Variants in NKAIN2 observed in about 807,000 individuals in gnomAD.
The protein encoded by NKAIN2 is sodium/potassium transporting ATPase interacting 2, also known as sodium/potassium-transporting ATPase subunit beta-1-interacting protein 2.
Under a neutral mutation model 32.6 loss-of-function variants are expected in NKAIN2, and 14 were observed. The ratio of observed to expected loss-of-function variants is 0.43; its 90% confidence interval spans 0.28 to 0.67. The LOEUF is 0.67. Among genes scored for constraint, NKAIN2 ranks in the 30% least tolerant of loss-of-function variants. The pLI is 0.17. For synonymous variants in NKAIN2, 80 were observed against 87.2 expected, an observed-to-expected ratio of 0.92 and a Z score of 0.46; for missense variants, 198 against 258.3, an observed-to-expected ratio of 0.77 and a Z score of 1.60.
intron 4 of NKAIN2, among the ~76,000 whole-genome samples, chr6:124,708,238 A>T (rs1175608917): frequency 1.3e-5 from 2 of 148,382 alleles, no homozygotes; most frequent in East Asian, 3.9e-4. Context: ...TGTTTTGGTT[A>T]CTGTAGCCTT....
At chr6:124,347,707 T>C (rs1798502167) in intron 2 of NKAIN2, among the ~76,000 whole-genome samples, 1 of 152,226 alleles carries the variant, frequency 6.6e-6, no homozygotes, top group Admixed American at 6.5e-5. Context: ...AGCACTTCTC[T>C]GTATTGGTTA....
In NKAIN2 at chr6:124,295,319, T is replaced by C. The variant is rs1796002006; in HGVS notation, c.192+12177T>C. On this transcript the variant is annotated intron_variant, in intron 2 of 6. Coordinates refer to ENST00000368417, the MANE Select transcript of NKAIN2 (RefSeq NM_001040214.3). Reference sequence around the variant, plus strand: ...TGTTCTTTTCTTCTTCTTACTATTATCATTCTATTTTTCTTCTTTTAATGC... The same window carrying C: ...TGTTCTTTTCTTCTTCTTACTATTACCATTCTATTTTTCTTCTTTTAATGC... 1.3e-5 allele frequency among the ~76,000 whole-genome samples: 2 copies of C among 152,148 alleles called. 1 individual carries two copies. The highest frequency in any genetic ancestry group is 4.1e-4 in the South Asian group (2 of 4,834).
intron 2 of NKAIN2, among the ~76,000 whole-genome samples, chr6:124,316,767 C>T (rs2115014020): frequency 6.6e-6 from 1 of 152,204 alleles, no homozygotes; most frequent in African/African-American, 2.4e-5. Flanking sequence ...TAAGGTGACT[C>T]ATTCTACTCA....
intron 1 of NKAIN2, among the ~76,000 whole-genome samples, chr6:124,006,291 C>T (rs1780071482): frequency 6.6e-6 from 1 of 152,118 alleles, no homozygotes. Context: ...GGTGAGCAAA[C>T]TGAGATTGAG....
rs73569259 is a variant in NKAIN2 at position 124,566,399 on chromosome 6, C to T, written c.274-91787C>T. ...TGTGAGTAGAGGTGATGTCTTATTC[C>T]ACTTCACATTCAACGGTGAGTGGCA... On this transcript the variant is annotated intron_variant, in intron 3 of 6. Coordinates refer to ENST00000368417, the MANE Select transcript of NKAIN2 (RefSeq NM_001040214.3). Among the ~76,000 whole-genome samples the T allele has an allele frequency of 5.2e-3, 785 of 152,158 alleles. 4 individuals carry two copies. Among genetic ancestry groups the T allele is most frequent in the African/African-American group, 0.018 (751 of 41,514 alleles).
At chr6:124,066,343 T>G (rs949754599) in intron 1 of NKAIN2, among the ~76,000 whole-genome samples, 2 of 152,218 alleles carry the variant, frequency 1.3e-5, no homozygotes, top group South Asian at 2.1e-4. Context: ...GCACCCATTT[T>G]GTTCTCCTCT....
At chr6:124,152,038 G>GC (rs1419268472) in intron 1 of NKAIN2, among the ~76,000 whole-genome samples, 1 of 151,658 alleles carries the variant, frequency 6.6e-6, no homozygotes, top group Admixed American at 6.6e-5. Flanking sequence ...CTTTCTCAAT[G>GC]CCATGGAGAT....
chr6:124,799,721 T>C (rs1255349497), intron 5 of NKAIN2, among the ~76,000 whole-genome samples: 1 of 152,306 alleles, frequency 6.6e-6, no homozygotes, highest in African/African-American at 2.4e-5. Flanking sequence ...ATCCAGCAGA[T>C]GAAGAATACT....
intron 1 of NKAIN2, among the ~76,000 whole-genome samples, chr6:123,805,685 A>G (rs1296244486): frequency 6.6e-6 from 1 of 152,222 alleles, no homozygotes; most frequent in Non-Finnish European, 1.5e-5. Context: ...TAACCAAAAC[A>G]ATGAGGGAGT....
At chr6:123,978,844 T>C (rs1030763491) in intron 1 of NKAIN2, among the ~76,000 whole-genome samples, 4 of 152,198 alleles carry the variant, frequency 2.6e-5, no homozygotes, top group Non-Finnish European at 5.9e-5. Context: ...AGCTTCATGG[T>C]TAAATAGTTA....
chr6:124,684,526 TTATTC>T (rs1773768944), intron 4 of NKAIN2, among the ~76,000 whole-genome samples: 1 of 152,202 alleles, frequency 6.6e-6, no homozygotes, highest in South Asian at 2.1e-4. Flanking sequence ...ATACTACATA[TTATTC>T]TAAAACATTT....
intron 4 of NKAIN2, among the ~76,000 whole-genome samples, chr6:124,666,380 C>T (rs575212780): frequency 2.0e-5 from 3 of 152,042 alleles, no homozygotes; most frequent in Non-Finnish European, 4.4e-5. Flanking sequence ...GATAAATAAG[C>T]GAAGTCCCAC....
chr6:124,103,178 TAGAC>T (rs1237326025), intron 1 of NKAIN2, among the ~76,000 whole-genome samples: 20 of 152,236 alleles, frequency 1.3e-4, no homozygotes, highest in African/African-American at 4.6e-4. Context: ...TTCAGATATT[TAGAC>T]AGACTGAAAT....
intron 4 of NKAIN2, among the ~76,000 whole-genome samples, chr6:124,709,781 G>A (rs1775335573): frequency 6.6e-6 from 1 of 151,500 alleles, no homozygotes; most frequent in Admixed American, 6.6e-5. Context: ...CAAAAAACCA[G>A]CTCCTGGATT....
chr6:124,559,834 A>ATTTTTTTTTTTTTTTTT (rs55701016), intron 3 of NKAIN2, among the ~76,000 whole-genome samples: 1 of 73,762 alleles, frequency 1.4e-5, no homozygotes. Context: ...GAAATAAACC[A>ATTTTTTTTTTTTTTTTT]TTTTTTTTTT....
intron 3 of NKAIN2, among the ~76,000 whole-genome samples, chr6:124,390,481 G>A (rs1021331344): frequency 2.0e-5 from 3 of 152,078 alleles, no homozygotes; most frequent in African/African-American, 7.2e-5. Context: ...TATCTGGCAT[G>A]TGTCTTTTCC....
chr6:124,437,703 G>A (rs1775508916), intron 3 of NKAIN2, among the ~76,000 whole-genome samples: 1 of 152,090 alleles, frequency 6.6e-6, no homozygotes, highest in African/African-American at 2.4e-5. Context: ...CATTCATGAG[G>A]TTAAGTGCTA....
intron 4 of NKAIN2, among the ~76,000 whole-genome samples, chr6:124,677,785 T>C (rs1000123023): frequency 3.3e-5 from 5 of 152,192 alleles, no homozygotes; most frequent in African/African-American, 1.2e-4. Context: ...TTATCCCTTA[T>C]GTATTTACAT....
At chr6:123,972,397 GACAA>G (rs1778384776) in intron 1 of NKAIN2, among the ~76,000 whole-genome samples, 1 of 152,176 alleles carries the variant, frequency 6.6e-6, no homozygotes, top group African/African-American at 2.4e-5. Context: ...GGATTTCTGA[GACAA>G]ATAGCCTAAT....
Sources: allele counts gnomAD v4.1 joint callset (sites outside exome capture counted in the v4.1 genomes callset), GRCh38; gene constraint gnomAD v4.1.1; transcripts MANE v1.5; gene names NCBI Gene and HGNC (gene_info 2026-07-23, HGNC 2026-07-21).